Variants in USH2A observed in about 807,000 individuals in gnomAD.
The protein encoded by USH2A is Usher syndrome 2A (autosomal recessive, mild).
A neutral mutation model predicts 538.9 loss-of-function variants in USH2A; 443 were observed. The ratio of observed to expected loss-of-function variants is 0.82; its 90% CI spans 0.76 to 0.89. USH2A has a LOEUF of 0.89. USH2A is among the 40% of genes least tolerant of loss of function. The probability of loss-of-function intolerance (pLI) is 0.00; values close to 1 mark genes in which losing one functional copy is unlikely to be tolerated. For synonymous variants in USH2A, 2,413 were observed against 2,273.5 expected, an observed-to-expected ratio of 1.06 and a Z score of -1.75; for missense variants, 6,633 against 6,324.8, an observed-to-expected ratio of 1.05 and a Z score of -1.65.
At chr1:216,308,982 A>G (rs1242500774) in intron 9 of USH2A, among the ~76,000 whole-genome samples, 2 of 152,204 alleles carry the variant, frequency 1.3e-5, no homozygotes, top group Non-Finnish European at 2.9e-5. Context: ...TCTGTATACA[A>G]CTAGAAAATA....
chr1:215,732,664 C>T (rs1660038534), intron 60 of USH2A, among the ~76,000 whole-genome samples: 2 of 149,022 alleles, frequency 1.3e-5, no homozygotes, highest in African/African-American at 2.5e-5. Flanking sequence ...GCCTCAGCCT[C>T]CCGAGTGGCT....
At chr1:216,174,112 T>C (rs981478293) in intron 21 of USH2A, 1 of 985,192 alleles carries the variant, frequency 1.0e-6, no homozygotes, top group Non-Finnish European at 1.2e-6. Context: ...CCAAGGTGCA[T>C]CAGCAGCCAG....
chr1:216,113,069 A>C (rs1033402161), intron 21 of USH2A, among the ~76,000 whole-genome samples: 1 of 151,314 alleles, frequency 6.6e-6, no homozygotes, highest in Non-Finnish European at 1.5e-5. Context: ...CCTTGGAACG[A>C]TTAAAATCTG....
chr1:216,410,493 C>T lies in USH2A; in HGVS notation c.651+8021G>A, dbSNP rs565448990. Among the ~76,000 whole-genome samples the T allele has an allele frequency of 4.6e-5, 7 of 152,124 alleles. No individual in the cohort carries two copies. In the South Asian group the frequency reaches 1.5e-3, roughly 32 times the overall value. Reference sequence around the variant, plus strand: ...TAGACTGATATTTTCTTTTGTTACACCTTTTTAAATCCATCAGGGAAGGAA... The same window carrying T: ...TAGACTGATATTTTCTTTTGTTACATCTTTTTAAATCCATCAGGGAAGGAA... On this transcript the variant is annotated intron_variant, in intron 3 of 71. Coordinates refer to ENST00000307340, the MANE Select transcript of USH2A (RefSeq NM_206933.4).
chr1:216,132,627 TA>T (rs1434735204), intron 21 of USH2A, among the ~76,000 whole-genome samples: 2 of 152,164 alleles, frequency 1.3e-5, no homozygotes, highest in Non-Finnish European at 2.9e-5. Context: ...GGGAGATAGC[TA>T]CTATCTAGTA....
chr1:215,956,945 A>T (rs1667082469), intron 37 of USH2A, among the ~76,000 whole-genome samples: 1 of 152,168 alleles, frequency 6.6e-6, no homozygotes, highest in South Asian at 2.1e-4. Context: ...TCTATAGCCC[A>T]ATATTTGAAA....
At chr1:215,890,737 C>G (rs981252630) in intron 40 of USH2A, among the ~76,000 whole-genome samples, 1 of 152,138 alleles carries the variant, frequency 6.6e-6, no homozygotes, top group South Asian at 2.1e-4. Context: ...CAGCTCCTTT[C>G]TTATTTATGC....
At chr1:216,280,040 G>C (rs1188221401) in intron 11 of USH2A, among the ~76,000 whole-genome samples, 1 of 151,864 alleles carries the variant, frequency 6.6e-6, no homozygotes, top group Non-Finnish European at 1.5e-5. Context: ...CACTTTAGGT[G>C]TGGATTCACA....
chr1:215,980,818 T>C lies in USH2A; in HGVS notation c.6806-10042A>G, dbSNP rs192954797. Among the ~76,000 whole-genome samples, 126 of 152,284 alleles carry C rather than the reference T, an allele frequency of 8.3e-4. 1 individual carries two copies. The highest frequency in any genetic ancestry group is 2.9e-3 in the African/African-American group (119 of 41,572). On this transcript the variant is annotated intron_variant, in intron 35 of 71. Coordinates refer to ENST00000307340, the MANE Select transcript of USH2A (RefSeq NM_206933.4). Reference sequence around the variant, plus strand: ...CACTCATTTTCATTACTGTGTAGTATTCCTACAGGGCAAATGTTATTTATT... The same window carrying C: ...CACTCATTTTCATTACTGTGTAGTACTCCTACAGGGCAAATGTTATTTATT...
At chr1:216,039,272 G>A (rs936138486) in intron 32 of USH2A, among the ~76,000 whole-genome samples, 1 of 152,000 alleles carries the variant, frequency 6.6e-6, no homozygotes, top group African/African-American at 2.4e-5. Flanking sequence ...CACAGAGTTA[G>A]TAGCTTAGTA....
chr1:216,201,763 A>G (rs557862826), intron 16 of USH2A: 40 of 230,408 alleles, frequency 1.7e-4, no homozygotes, highest in African/African-American at 8.3e-4. Context: ...GAGCCGAGGA[A>G]GGTGAGACAG....
chr1:215,964,822 T>G (rs911025611), intron 37 of USH2A, among the ~76,000 whole-genome samples: 1 of 152,188 alleles, frequency 6.6e-6, no homozygotes, highest in Non-Finnish European at 1.5e-5. Flanking sequence ...TAATCCACAT[T>G]CAGTAAATTT....
At chr1:215,737,778 C>A (rs1338571420) in intron 60 of USH2A, among the ~76,000 whole-genome samples, 1 of 151,986 alleles carries the variant, frequency 6.6e-6, no homozygotes, top group East Asian at 1.9e-4. Context: ...TGATTCAATG[C>A]TCGTCTTTTC....
At chr1:215,822,887 C>T (rs115557868) in intron 47 of USH2A, among the ~76,000 whole-genome samples, 3,009 of 152,010 alleles carry the variant, frequency 0.02, 101 homozygotes, top group African/African-American at 0.069. Context: ...GGTTATTGTA[C>T]TTGGTTGCCA....
chr1:216,291,203 C>A (rs1468001286), intron 10 of USH2A, among the ~76,000 whole-genome samples: 3 of 152,032 alleles, frequency 2.0e-5, no homozygotes, highest in Non-Finnish European at 4.4e-5. Flanking sequence ...TGATATTGTC[C>A]TGCCTTCCTT....
rs2032069450 is a variant in USH2A, at chr1:216,084,742, C to G, written c.5123G>C (p.Gly1708Ala). ...EQINVYNSWE[G>A]CPASLNEGAQ... ...TCCCTCATTTAATGAAGCGGGACAT[C>G]CCTCCCAGCTGTTATACACGTTGAT... Residue 1708 changes from glycine (G) to alanine (A), a missense_variant, in exon 25 of 72, where the codon GGA (glycine) becomes GCA (alanine). Transcript: ENST00000307340. 3.7e-6 allele frequency: 6 copies of G among 1,613,440 alleles called. No homozygotes were observed. The highest frequency in any genetic ancestry group is 5.1e-6 in the Non-Finnish European group (6 of 1,179,662).
Position 216,217,382 on chromosome 1 carries a change from C to G in USH2A, c.3157+5G>C, listed in dbSNP as rs777673655. ...CACACCAGCACTGAACCAGAGTTCA[C>G]TTACTTTTGCTGCAACCCAATAGAT... On this transcript the variant is annotated splice_donor_5th_base_variant and intron_variant, in intron 15 of 71. Coordinates refer to ENST00000307340, the MANE Select transcript of USH2A (RefSeq NM_206933.4). 6.2e-7 allele frequency: 1 copy of G among 1,612,768 alleles called. No homozygotes were observed. The highest frequency in any genetic ancestry group is 1.1e-5 in the South Asian group (1 of 91,060).
intron 58 of USH2A, 77 bp from the exon 59 acceptor site, chr1:215,743,412 G>GTCTA (rs1397687417): frequency 1.1e-4 from 46 of 433,874 alleles, no homozygotes; most frequent in Admixed American, 3.1e-4. Context: ...GTGTGTGTGT[G>GTCTA]TGTGTATATA....
rs551872333 is a variant in USH2A, at chr1:216,117,799, C to CACACATATATATATGTATATATATAT, written c.4628-20612_4628-20587dup. 4.1e-3 allele frequency among the ~76,000 whole-genome samples: 622 copies of CACACATATATATATGTATATATATAT among 149,902 alleles called. 3 individuals are homozygous for CACACATATATATATGTATATATATAT. The highest frequency in any genetic ancestry group is 0.015 in the African/African-American group (594 of 40,556). ...ACACAGACACACATACACACACAGA[C>CACACATATATATATGTATATATATAT]ACACATATATATATGTATATATATA... On this transcript the variant is annotated intron_variant, in intron 21 of 71. Transcript: ENST00000307340.
Sources: allele counts gnomAD v4.1 joint callset (sites outside exome capture counted in the v4.1 genomes callset), GRCh38; gene constraint gnomAD v4.1.1; transcripts MANE v1.5; gene names NCBI Gene and HGNC (gene_info 2026-07-23, HGNC 2026-07-21).